Variants in ACY3 observed in about 807,000 individuals in gnomAD.
ACY3 encodes the protein aminoacylase 3.
In ACY3, 20 loss-of-function variants were observed where a neutral mutation model predicts 24.6. The ratio of observed to expected loss-of-function variants is 0.81; its 90% CI spans 0.57 to 1.18. The LOEUF is 1.18. Among genes scored for constraint, ACY3 ranks in the 50% most tolerant of loss-of-function variants. The pLI is 0.00. For synonymous variants in ACY3, 174 were observed against 188.4 expected (o/e 0.92, Z 0.62); for missense variants, 423 against 426.8 (o/e 0.99, Z 0.08).
chr11:67,642,957 G>A lies in ACY3; in HGVS notation c.745-18C>T, dbSNP rs768001633. 11 of 1,608,878 alleles carry A rather than the reference G, an allele frequency of 6.8e-6. 1 individual carries two copies. The highest frequency in any genetic ancestry group is 6.7e-5 in the Admixed American group (4 of 59,282). On this transcript the variant is annotated intron_variant, in intron 7 of 7. Transcript: ENST00000255082. Reference sequence around the variant, plus strand: ...TCTCGGTCCTGGGAGGAGAGCCAAAGGCCAAGATTGCTGGGGCCACCTCTG... The same window carrying A: ...TCTCGGTCCTGGGAGGAGAGCCAAAAGCCAAGATTGCTGGGGCCACCTCTG...
Position 67,645,781 on chromosome 11 carries a change from G to A in ACY3, c.343C>T (p.Leu115=). The A allele has an allele frequency of 6.2e-7, 1 of 1,614,026 alleles. No homozygotes were observed. Among genetic ancestry groups the A allele is most frequent in the African/African-American group, 1.3e-5 (1 of 75,036 alleles). The change falls in exon 4 of 8, where the codon CTG becomes TTG. Residue 115 remains leucine (L), a synonymous_variant. Transcript: ENST00000255082. ...CCCATGTTGGCCGTGGTGTTGTGCA[G>A]GTCAAGGACAAAGTCAAAGGCCTGG... ...SGQAFDFVLD[L]HNTTANMGTC...
At chr11:67,644,023 T>C (rs1855458359) in intron 7 of ACY3, among the ~76,000 whole-genome samples, 1 of 152,038 alleles carries the variant, frequency 6.6e-6, no homozygotes, top group South Asian at 2.1e-4. Flanking sequence ...ATAAAATAAA[T>C]TTTAAAATTG....
Position 67,645,379 on chromosome 11 carries a change from A to C in ACY3, c.434T>G (p.Leu145Arg). ...FAMHLCRHLQ[L>R]QYPELSCQVF... ...CTGGCAGGACAGCTCGGGGTACTGC[A>C]GCTGGGGGCGAGAGAGGCAGGTTAG... Residue 145 changes from leucine (L) to arginine (R), a missense_variant and splice_region_variant, in exon 5 of 8, where the codon CTG becomes CGG. Leu to Arg is a moderately radical substitution (Grantham distance 102). Transcript: ENST00000255082. 6.2e-7 allele frequency: 1 copy of C among 1,613,106 alleles called. No individual in the cohort carries two copies. The highest frequency in any genetic ancestry group is 1.7e-4 in the Middle Eastern group (1 of 6,056).
chr11:67,646,026 G>T, intron 3 of ACY3, 139 bp from the exon 4 acceptor site: 1 of 831,056 alleles, frequency 1.2e-6, no homozygotes, highest in Non-Finnish European at 1.8e-6. Flanking sequence ...CGTTGTGGCT[G>T]TGTCCACCCC....
intron 3 of ACY3, 37 bp from the exon 4 acceptor site, chr11:67,645,924 G>A (rs557275537): frequency 1.3e-6 from 2 of 1,544,236 alleles, no homozygotes; most frequent in Non-Finnish European, 1.8e-6. Context: ...GATCTTCACA[G>A]TCTCAGTCAG....
Position 67,645,314 on chromosome 11 carries a change from G to C in ACY3, c.499C>G (p.Leu167Val). ...AGTCCATTTTTGGCCACAGAGTCCAGGTTGTAGCTCTCCTCCCCAGACCGC... is the reference window on the plus strand; with the variant it reads ...AGTCCATTTTTGGCCACAGAGTCCACGTTGTAGCTCTCCTCCCCAGACCGC... ...YQRSGEESYN[L>V]DSVAKNGLGL... Residue 167 changes from leucine (L) to valine (V), a missense_variant, in exon 5 of 8, where the codon CTG (leucine) becomes GTG (valine). Physicochemically the swap from Leu to Val is conservative, Grantham distance 32. Coordinates refer to ENST00000255082, the MANE Select transcript of ACY3 (RefSeq NM_080658.2). 1 of 1,613,734 alleles carries C rather than the reference G, an allele frequency of 6.2e-7. No homozygotes were observed.
chr11:67,649,542 A>G (rs972356910), intron 1 of ACY3, among the ~76,000 whole-genome samples: 49 of 151,138 alleles, frequency 3.2e-4, no homozygotes, highest in African/African-American at 1.1e-3. Flanking sequence ...GCGTGTGTGC[A>G]TGTGTGTGCA....
chr11:67,647,741 C>T (rs554408635), intron 1 of ACY3, among the ~76,000 whole-genome samples, 152 bp from the exon 2 acceptor site: 2 of 152,322 alleles, frequency 1.3e-5, no homozygotes, highest in African/African-American at 2.4e-5. Flanking sequence ...CTTGTGCTGC[C>T]ACGGCCCAAC....
Position 67,645,449 on chromosome 11 carries a change from T to C in ACY3, c.433-69A>G. On this transcript the variant is annotated intron_variant, in intron 4 of 7. Transcript: ENST00000255082. ...AAGGGAAACTGAGGTGGGAAGGTGT[T>C]GCATGGAGGAAACACAGGGCACCAC... is the stretch of plus-strand genomic sequence containing the variant. The C allele has an allele frequency of 2.6e-6, 4 of 1,517,508 alleles. No homozygotes were observed. In the East Asian group the frequency reaches 9.3e-5, roughly 35 times the overall value. 94.0% of individuals were successfully genotyped at this position (1,517,508 alleles called of 1,614,324 possible).
Position 67,645,310 on chromosome 11 carries a change from T to G in ACY3, c.503A>C (p.Asp168Ala), listed in dbSNP as rs1855492260. ...ACCCAGTCCATTTTTGGCCACAGAG[T>G]CCAGGTTGTAGCTCTCCTCCCCAGA... is the stretch of plus-strand genomic sequence containing the variant. ...QRSGEESYNL[D>A]SVAKNGLGLE... Residue 168 changes from aspartate (D) to alanine (A), a missense_variant, in exon 5 of 8, where the codon GAC (aspartate) becomes GCC (alanine). Physicochemically the swap from Asp to Ala is moderately radical, Grantham distance 126. Transcript: ENST00000255082. 3.7e-6 allele frequency: 6 copies of G among 1,613,212 alleles called. No individual in the cohort carries two copies. Among genetic ancestry groups the G allele is most frequent in the Non-Finnish European group, 5.1e-6 (6 of 1,179,918 alleles).
Position 67,645,157 on chromosome 11 carries a change from G to T in ACY3, c.527-5C>A. The T allele has an allele frequency of 6.2e-7, 1 of 1,611,032 alleles. No individual in the cohort carries two copies. The highest frequency in any genetic ancestry group is 8.5e-7 in the Non-Finnish European group (1 of 1,178,810). ...GCTGGGGGCCCAGCTCCAGACCTGG[G>T]GACCAGGAAGCAAGGGGTTAGGCAG... On this transcript the variant is annotated splice_region_variant and splice_polypyrimidine_tract_variant and intron_variant, in intron 5 of 7. Transcript: ENST00000255082.
In ACY3 at chr11:67,646,874, GC is replaced by G. The variant is rs1855526958; in HGVS notation, c.169del (p.Ala57ProfsTer34). ...SAVPVLANPA[A>X]TSGCRRYVDH... ...CACGTAGCGGCGGCAGCCGGATGTGGCTGCCGGGTTGGCCAGCACAGGCACA... is the reference window on the plus strand; with the variant it reads ...CACGTAGCGGCGGCAGCCGGATGTGGTGCCGGGTTGGCCAGCACAGGCACA... On this transcript the variant is annotated frameshift_variant, in exon 3 of 8. Transcript: ENST00000255082. LOFTEE classifies it high-confidence loss of function. The G allele has an allele frequency of 1.9e-6, 3 of 1,612,490 alleles. No homozygotes were observed. Among genetic ancestry groups the G allele is most frequent in the Non-Finnish European group, 2.5e-6 (3 of 1,179,846 alleles).
At chr11:67,644,902 C>T (rs752369232) in intron 6 of ACY3, 33 bp from the exon 7 acceptor site, 72 of 1,605,370 alleles carry the variant, frequency 4.5e-5, no homozygotes, top group Non-Finnish European at 6.0e-5. Flanking sequence ...GAGCCCATCC[C>T]TCCCTCCAGG....
In ACY3 at chr11:67,642,648, A is replaced by AC; in HGVS notation, c.*75dup. The AC allele has an allele frequency of 6.7e-7, 1 of 1,482,804 alleles. No individual in the cohort carries two copies. The highest frequency in any genetic ancestry group is 9.4e-7 in the Non-Finnish European group (1 of 1,062,150). The allele number at this position is 1,482,804 out of a possible 1,614,324, so 91.9% of individuals were successfully genotyped here. A position where few individuals can be genotyped will look rare whatever the true frequency, so the allele number is the denominator to read the frequency against. On this transcript the variant is annotated 3_prime_UTR_variant, in exon 8 of 8. Transcript: ENST00000255082. ...TGGTGCATGGTAGGTGGCAGAAGGGACCTCTGTGCTCAGAGCTGTGCCTCA... is the reference window on the plus strand; with the variant it reads ...TGGTGCATGGTAGGTGGCAGAAGGGACCCTCTGTGCTCAGAGCTGTGCCTCA...
rs779671699 is a variant in ACY3 at position 67,646,950 on chromosome 11, G to C, written c.94C>G (p.Arg32Gly). 27 of 1,594,520 alleles carry C rather than the reference G, an allele frequency of 1.7e-5. No individual in the cohort carries two copies. The African/African-American group carries it at 2.0e-4, about 12-fold the overall frequency. The change falls in exon 3 of 8, where the codon CGG becomes GGG. Residue 32 changes from arginine to glycine, a missense_variant. By Grantham distance (125) the Arg-to-Gly change is moderately radical (BLOSUM62 -2). Coordinates refer to ENST00000255082, the MANE Select transcript of ACY3 (RefSeq NM_080658.2). The stretch of plus-strand genomic sequence containing the variant: ...TCTGCGGGGGCATGCAGCCAGTGCC[G>C]GGCCAGGTAGACGCCCGACATCTCG... Reference protein sequence around the residue: ...GNEMSGVYLARHWLHAPAELQ... With the variant: ...GNEMSGVYLAGHWLHAPAELQ...
At chr11:67,648,002 G>T (rs540154851) in intron 1 of ACY3, among the ~76,000 whole-genome samples, 2 of 152,338 alleles carry the variant, frequency 1.3e-5, no homozygotes, top group Admixed American at 1.3e-4. Flanking sequence ...GGAGAGGGCT[G>T]TGGTCACTCC....
rs939518770 is a variant in ACY3 at position 67,645,495 on chromosome 11, T to C, written c.433-115A>G. ...ACCACCCTCCTTGGCCAGGTCTCCCTCTACCCTCTGGCAGGGTAGGGGAGG... is the reference window on the plus strand; with the variant it reads ...ACCACCCTCCTTGGCCAGGTCTCCCCCTACCCTCTGGCAGGGTAGGGGAGG... On this transcript the variant is annotated intron_variant, in intron 4 of 7. Coordinates refer to ENST00000255082, the MANE Select transcript of ACY3 (RefSeq NM_080658.2). 20 of 1,277,796 alleles carry C rather than the reference T, an allele frequency of 1.6e-5. No individual in the cohort carries two copies. In the African/African-American group the frequency reaches 2.4e-4, roughly 15 times the overall value. 79.2% of individuals were successfully genotyped at this position (1,277,796 alleles called of 1,614,324 possible). A position where few individuals can be genotyped will look rare whatever the true frequency, so the allele number is the denominator to read the frequency against.
chr11:67,645,922 C>T, intron 3 of ACY3, 35 bp from the exon 4 acceptor site: 1 of 1,543,666 alleles, frequency 6.5e-7, no homozygotes, highest in Non-Finnish European at 8.8e-7. Flanking sequence ...CCGATCTTCA[C>T]AGTCTCAGTC....
Position 67,644,833 on chromosome 11 carries a change from C to T in ACY3, c.671G>A (p.Arg224Lys). ...GGGGAAGTCCACGACGCCCACGGGTCTATAGGCTTCCATCTCAAAGGCAGG... is the reference window on the plus strand; with the variant it reads ...GGGGAAGTCCACGACGCCCACGGGTTTATAGGCTTCCATCTCAAAGGCAGG... ...AFPAFEMEAY[R>K]PVGVVDFPRT... The change falls in exon 7 of 8, where the codon AGA (arginine) becomes AAA (lysine). Residue 224 changes from arginine (R) to lysine (K), a missense_variant. Physicochemically the swap from Arg to Lys is conservative, Grantham distance 26. Coordinates refer to ENST00000255082, the MANE Select transcript of ACY3 (RefSeq NM_080658.2). 1 of 1,587,966 alleles carries T rather than the reference C, an allele frequency of 6.3e-7. No individual in the cohort carries two copies. Among genetic ancestry groups the T allele is most frequent in the Non-Finnish European group, 8.6e-7 (1 of 1,167,352 alleles).
Sources: gnomAD v4.1 joint callset for allele counts (sites outside exome capture counted in the v4.1 genomes callset) on GRCh38, gnomAD v4.1.1 for gene constraint, MANE v1.5 for transcripts, NCBI Gene and HGNC (gene_info 2026-07-23, HGNC 2026-07-21) for gene names.